HBS1L: variants seen among roughly 807,000 people sequenced by gnomAD.
HBS1L encodes HBS1 like translational GTPase.
A neutral mutation model predicts 88.9 loss-of-function variants in HBS1L; 55 were observed. That is an observed-to-expected ratio of 0.62 (90% CI 0.50 to 0.77). The LOEUF (loss-of-function observed/expected upper bound fraction) is 0.77. HBS1L is among the 30% of genes least tolerant of loss of function. The pLI is 0.00. For missense variants in HBS1L, 741 were observed against 829.3 expected (o/e 0.89, Z 1.31); for synonymous variants, 267 against 288.5 (o/e 0.93, Z 0.76).
At chr6:134,974,511 C>T (rs758354633) in intron 15 of HBS1L, among the ~76,000 whole-genome samples, 4 of 152,054 alleles carry the variant, frequency 2.6e-5, no homozygotes, top group Non-Finnish European at 4.4e-5. Flanking sequence ...AAATCCCTAA[C>T]AAAATACTAG....
At chr6:134,997,788 TAA>T (rs1269504162) in intron 5 of HBS1L, 132 bp from the exon 6 acceptor site, 2 of 809,012 alleles carry the variant, frequency 2.5e-6, no homozygotes, top group Non-Finnish European at 4.0e-6. Flanking sequence ...GCTAAGTAGC[TAA>T]AGTCTGTTAA....
intron 15 of HBS1L, among the ~76,000 whole-genome samples, chr6:134,974,322 T>C (rs1463195695): frequency 3.3e-5 from 5 of 152,074 alleles, no homozygotes; most frequent in African/African-American, 1.2e-4. Flanking sequence ...AGCCAAATTC[T>C]ACCAGACATT....
chr6:135,040,052 C>T (rs527409365), intron 3 of HBS1L, among the ~76,000 whole-genome samples: 21 of 152,326 alleles, frequency 1.4e-4, no homozygotes, highest in Middle Eastern at 3.4e-3. Flanking sequence ...ACACTAATAT[C>T]TATTTTCAGT....
Position 134,987,667 on chromosome 6 carries a change from A to G in HBS1L, c.1208T>C (p.Val403Ala), listed in dbSNP as rs746284075. 2 of 1,602,620 alleles carry G rather than the reference A, an allele frequency of 1.2e-6. No homozygotes were observed. Among genetic ancestry groups the G allele is most frequent in the East Asian group, 2.3e-5 (1 of 44,012 alleles). Residue 403 changes from valine to alanine, a missense_variant, in exon 9 of 18, where the codon GTT becomes GCT. This residue lies in a region of HBS1L where 556 missense variants were observed against 598.4 expected (regional missense o/e 0.93). Transcript: ENST00000367837. Reference protein sequence around the residue: ...VRSLGVTQLAVAVNKMDQVNW... With the variant: ...VRSLGVTQLAAAVNKMDQVNW... ...TACCTGATCCATTTTATTAACTGCA[A>G]CTGCAAGCTGCGTCACTCCCAGAGA...
At chr6:135,050,853 G>C (rs1030767466) in intron 1 of HBS1L, among the ~76,000 whole-genome samples, 2 of 152,270 alleles carry the variant, frequency 1.3e-5, no homozygotes, top group South Asian at 4.1e-4. Flanking sequence ...GACATACACA[G>C]TTCTTCAGTT....
intron 4 of HBS1L, among the ~76,000 whole-genome samples, chr6:135,024,976 T>C (rs576777491): frequency 6.6e-5 from 10 of 152,288 alleles, no homozygotes; most frequent in African/African-American, 2.2e-4. Flanking sequence ...CCTAAATCTT[T>C]AGGACAAGGC....
chr6:135,003,982 G>A (rs1775539165), intron 4 of HBS1L, among the ~76,000 whole-genome samples: 1 of 152,028 alleles, frequency 6.6e-6, no homozygotes, highest in South Asian at 2.1e-4. Flanking sequence ...ATAATTCATT[G>A]AACTTTTAAA....
At chr6:135,041,891 A>T in intron 3 of HBS1L, 110 bp downstream of exon 3, 1 of 853,014 alleles carries the variant, frequency 1.2e-6, no homozygotes, top group Non-Finnish European at 1.8e-6. Context: ...AGATATGTTT[A>T]CATCATTACT....
chr6:134,985,932 A>G (rs145319181), intron 11 of HBS1L, 134 bp downstream of exon 11: 3 of 608,394 alleles, frequency 4.9e-6, no homozygotes, highest in African/African-American at 3.8e-5. Context: ...CATGATGACA[A>G]AACAGGTAAC....
rs58274929 is a variant in HBS1L, at chr6:134,961,090, C to CTTTTTTTTTTTTTTT, written c.*4174_*4188dup. ...TTGCTGTACAGACTTAGTTTCTTTGCTTTTTTTTTTTTTTTTTTTGCATTG... is the reference window on the plus strand; with the variant it reads ...TTGCTGTACAGACTTAGTTTCTTTGCTTTTTTTTTTTTTTTTTTTTTTTTTTTTTTTTTTGCATTG... On this transcript the variant is annotated 3_prime_UTR_variant, in exon 18 of 18. Coordinates refer to ENST00000367837, the MANE Select transcript of HBS1L (RefSeq NM_006620.4). 72 of 106,232 alleles carry CTTTTTTTTTTTTTTT rather than the reference C, an allele frequency of 6.8e-4. No individual in the cohort carries two copies. The highest frequency in any genetic ancestry group is 9.3e-4 in the South Asian group (3 of 3,238). 6.6% of individuals were successfully genotyped at this position (106,232 alleles called of 1,614,324 possible). A position where few individuals can be genotyped will look rare whatever the true frequency, so the allele number is the denominator to read the frequency against.
At chr6:135,004,472 G>A (rs1345824254) in intron 4 of HBS1L, among the ~76,000 whole-genome samples, 1 of 151,590 alleles carries the variant, frequency 6.6e-6, no homozygotes, top group African/African-American at 2.4e-5. Context: ...TTGTATAATG[G>A]TCCTCCTGTA....
chr6:135,047,716 T>C (rs1187659442), intron 2 of HBS1L, among the ~76,000 whole-genome samples: 1 of 152,230 alleles, frequency 6.6e-6, no homozygotes, highest in African/African-American at 2.4e-5. Flanking sequence ...CCATTAACTA[T>C]GTATTAGAGA....
chr6:134,977,847 G>T (rs751839146), intron 15 of HBS1L, among the ~76,000 whole-genome samples: 8 of 152,084 alleles, frequency 5.3e-5, no homozygotes, highest in Admixed American at 2.0e-4. Context: ...CATCTGTCAC[G>T]TGACAAAAGC....
chr6:135,030,890 G>C (rs1192352617), intron 4 of HBS1L, among the ~76,000 whole-genome samples: 1 of 151,358 alleles, frequency 6.6e-6, no homozygotes, highest in Admixed American at 6.5e-5. Flanking sequence ...AATCACTTGT[G>C]GACATGTGCA....
intron 4 of HBS1L, chr6:135,027,296 A>C (rs1019251045): frequency 1.1e-4 from 17 of 152,038 alleles, no homozygotes; most frequent in African/African-American, 4.1e-4. Flanking sequence ...AATGCCTATG[A>C]AACTACAGAG....
chr6:135,010,411 T>C (rs940806583), intron 4 of HBS1L, among the ~76,000 whole-genome samples: 2 of 152,202 alleles, frequency 1.3e-5, no homozygotes, highest in Non-Finnish European at 2.9e-5. Flanking sequence ...ATTGTTTCTA[T>C]AATAATATCC....
At chr6:134,981,265 A>G (rs1417639839) in intron 13 of HBS1L, among the ~76,000 whole-genome samples, 1 of 152,018 alleles carries the variant, frequency 6.6e-6, no homozygotes, top group Non-Finnish European at 1.5e-5. Context: ...TTGTCACTTT[A>G]AAAAACAAAA....
chr6:134,972,215 C>T (rs1774510675), intron 15 of HBS1L, among the ~76,000 whole-genome samples: 1 of 151,998 alleles, frequency 6.6e-6, no homozygotes, highest in Non-Finnish European at 1.5e-5. Flanking sequence ...TCTATAAACT[C>T]AAATGGGCTA....
intron 4 of HBS1L, among the ~76,000 whole-genome samples, chr6:135,034,655 T>C (rs184564059): frequency 6.6e-6 from 1 of 152,254 alleles, no homozygotes; most frequent in East Asian, 1.9e-4. Flanking sequence ...AAAAAACTAA[T>C]AAAATAACAT....
Sources: allele counts gnomAD v4.1 joint callset (sites outside exome capture counted in the v4.1 genomes callset), GRCh38; gene constraint gnomAD v4.1.1; regional missense constraint gnomAD v4.1.1; transcripts MANE v1.5; gene names NCBI Gene and HGNC (gene_info 2026-07-23, HGNC 2026-07-21).